PDE8A: variants seen among roughly 807,000 people sequenced by gnomAD.
PDE8A encodes the protein phosphodiesterase 8A.
A neutral mutation model predicts 105.0 loss-of-function variants in PDE8A; 59 were observed. That is an observed-to-expected ratio of 0.56 (90% CI 0.46 to 0.70). PDE8A has a LOEUF of 0.70. PDE8A is among the 30% of genes least tolerant of loss of function. The probability of loss-of-function intolerance (pLI) is 0.00; values close to 1 mark genes in which losing one functional copy is unlikely to be tolerated. For missense variants in PDE8A, 1,014 were observed against 1,045.9 expected (o/e 0.97, Z 0.42); for synonymous variants, 355 against 371.9 (o/e 0.95, Z 0.52).
upstream of PDE8A, among the ~76,000 whole-genome samples, chr15:84,981,192 G>A (rs1046923832): frequency 3.9e-5 from 6 of 152,314 alleles, no homozygotes; most frequent in South Asian, 2.1e-4. Flanking sequence ...TGTGTCCCTG[G>A]GCAAGTCTCT....
rs370675301 is a variant in PDE8A at position 85,104,678 on chromosome 15, G to A, written c.1037-4375G>A. Among the ~76,000 whole-genome samples the A allele has an allele frequency of 4.6e-5, 7 of 152,124 alleles. No homozygotes were observed. The East Asian group carries it at 9.7e-4, about 21-fold the overall frequency. Reference sequence around the variant, plus strand: ...TGGATAACATTAGTTAAAATAACAAGTGCAAATAAGATCGTAAGAAAGAGC... The same window carrying A: ...TGGATAACATTAGTTAAAATAACAAATGCAAATAAGATCGTAAGAAAGAGC... On this transcript the variant is annotated intron_variant, in intron 11 of 21. Coordinates refer to ENST00000394553, the MANE Select transcript of PDE8A (RefSeq NM_002605.3).
At chr15:84,984,061 A>T (rs1268535884) in intron 1 of PDE8A, among the ~76,000 whole-genome samples, 3 of 152,278 alleles carry the variant, frequency 2.0e-5, no homozygotes, top group Non-Finnish European at 4.4e-5. Context: ...TAGGTACTAA[A>T]TAAATGTTTA....
intron 21 of PDE8A, 125 bp downstream of exon 21, chr15:85,136,788 G>C: frequency 1.1e-6 from 1 of 951,208 alleles, no homozygotes; most frequent in Non-Finnish European, 1.5e-6. Context: ...CAAGAGCGAA[G>C]TGAACCATCA....
At chr15:85,108,415 G>T (rs1186799439) in intron 11 of PDE8A, among the ~76,000 whole-genome samples, 1 of 152,172 alleles carries the variant, frequency 6.6e-6, no homozygotes, top group Non-Finnish European at 1.5e-5. Flanking sequence ...TACCCAGCAG[G>T]TGCACAGAGA....
intron 8 of PDE8A, among the ~76,000 whole-genome samples, chr15:85,096,804 C>T (rs1400141567): frequency 2.0e-5 from 3 of 152,116 alleles, no homozygotes; most frequent in African/African-American, 4.8e-5. Context: ...TGATATAGCC[C>T]TTTTTTGGTG....
chr15:85,031,876 T>C (rs939403991), intron 1 of PDE8A, among the ~76,000 whole-genome samples: 10 of 152,178 alleles, frequency 6.6e-5, no homozygotes, highest in Non-Finnish European at 1.2e-4. Context: ...GAATCCAGGG[T>C]TGCCCAGTTT....
intron 3 of PDE8A, among the ~76,000 whole-genome samples, chr15:85,067,658 A>G (rs2081250457): frequency 2.0e-5 from 3 of 152,198 alleles, no homozygotes; most frequent in South Asian, 4.1e-4. Flanking sequence ...AAAGAAAGTT[A>G]TTTGTTGCTG....
At position 85,089,382 on chromosome 15, in the gene PDE8A, C is replaced by T. The variant is rs1266215939; in HGVS notation, c.680C>T (p.Ala227Val). ...ACTGCATTAGAAAACAGTGAAGATG[C>T]AATTGAAATTACAAGCGAAGACCGT... ...VFTALENSED[A>V]IEITSEDRFI... Residue 227 changes from alanine (A) to valine (V), a missense_variant, in exon 7 of 22, where the codon GCA (alanine) becomes GTA (valine). Transcript: ENST00000394553. 3 of 1,594,536 alleles carry T rather than the reference C, an allele frequency of 1.9e-6. No individual in the cohort carries two copies. The highest frequency in any genetic ancestry group is 2.6e-6 in the Non-Finnish European group (3 of 1,164,744).
chr15:85,076,962 C>G (rs1172528948), intron 5 of PDE8A, among the ~76,000 whole-genome samples, 175 bp downstream of exon 5: 1 of 152,036 alleles, frequency 6.6e-6, no homozygotes, highest in East Asian at 1.9e-4. Context: ...AGGAGGACCC[C>G]TTGGGCCCAG....
intron 1 of PDE8A, among the ~76,000 whole-genome samples, chr15:85,038,194 G>A (rs2080739384): frequency 6.6e-6 from 1 of 150,680 alleles, no homozygotes; most frequent in Non-Finnish European, 1.5e-5. Flanking sequence ...ATCTAACTCT[G>A]CAAGGCTCTC....
chr15:85,124,830 C>T (rs953850602), intron 19 of PDE8A, among the ~76,000 whole-genome samples: 1 of 152,174 alleles, frequency 6.6e-6, no homozygotes, highest in Non-Finnish European at 1.5e-5. Flanking sequence ...AGAAGGAAAC[C>T]ATACACCCAG....
Position 85,109,100 on chromosome 15 carries a change from G to C in PDE8A, c.1084G>C (p.Val362Leu), listed in dbSNP as rs753388144. ...AGACAGGAGAAAAGGCTCACTAGACGTCAAAGCTGTTGCCTCCCGTGCAAC... is the reference window on the plus strand; with the variant it reads ...AGACAGGAGAAAAGGCTCACTAGACCTCAAAGCTGTTGCCTCCCGTGCAAC... Reference protein sequence around the residue: ...HKDRRKGSLDVKAVASRATEV... With the variant: ...HKDRRKGSLDLKAVASRATEV... The change falls in exon 12 of 22, where the codon GTC (valine) becomes CTC (leucine). Residue 362 changes from valine to leucine, a missense_variant. Transcript: ENST00000394553. 2 of 1,611,744 alleles carry C rather than the reference G, an allele frequency of 1.2e-6. No homozygotes were observed. The highest frequency in any genetic ancestry group is 3.3e-5 in the Admixed American group (2 of 59,960).
intron 1 of PDE8A, among the ~76,000 whole-genome samples, chr15:85,013,733 C>T (rs1033428268): frequency 6.6e-6 from 1 of 152,174 alleles, no homozygotes; most frequent in African/African-American, 2.4e-5. Context: ...AGAAGCGGGG[C>T]TCAATAGTTC....
intron 5 of PDE8A, among the ~76,000 whole-genome samples, chr15:85,079,469 G>A (rs2081431061): frequency 6.6e-6 from 1 of 152,178 alleles, no homozygotes; most frequent in Admixed American, 6.5e-5. Flanking sequence ...ATGAAAAGGA[G>A]GGTAACCGCT....
rs773169947 is a variant in PDE8A at position 85,117,715 on chromosome 15, C to T, written c.1610C>T (p.Thr537Met). The change falls in exon 17 of 22, where the codon ACG becomes ATG. Residue 537 changes from threonine to methionine, a missense_variant. Thr to Met is a moderately conservative substitution (Grantham distance 81). Coordinates refer to ENST00000394553, the MANE Select transcript of PDE8A (RefSeq NM_002605.3). ...ICEFLHCSES[T>M]LRSWLQIIEA... is the part of the protein sequence containing the mutation. ...GAATTCTTACACTGCTCCGAGTCAA[C>T]GCTAAGATCATGGTTACAAATTATC... 2.8e-5 allele frequency: 45 copies of T among 1,613,722 alleles called. No homozygotes were observed. Among genetic ancestry groups the T allele is most frequent in the Middle Eastern group, 3.3e-4 (2 of 6,084 alleles).
intron 5 of PDE8A, among the ~76,000 whole-genome samples, chr15:85,078,548 C>CAAAAAAAAAAAAA (rs72174562): frequency 4.9e-4 from 46 of 94,298 alleles, no homozygotes; most frequent in East Asian, 1.5e-3. Context: ...TACTCCATCT[C>CAAAAAAAAAAAAA]AAAAAAAAAA....
chr15:85,128,125 A>G (rs1264786632), intron 20 of PDE8A, among the ~76,000 whole-genome samples: 1 of 152,020 alleles, frequency 6.6e-6, no homozygotes, highest in Non-Finnish European at 1.5e-5. Flanking sequence ...CCTACATACA[A>G]CAGCTAAAAC....
intron 1 of PDE8A, among the ~76,000 whole-genome samples, chr15:84,986,112 A>C (rs1394862080): frequency 6.6e-6 from 1 of 152,200 alleles, no homozygotes; most frequent in East Asian, 1.9e-4. Flanking sequence ...CTTTAGTCCC[A>C]GATACTTGGG....
At chr15:85,117,220 T>C (rs930606235) in intron 16 of PDE8A, among the ~76,000 whole-genome samples, 1 of 152,206 alleles carries the variant, frequency 6.6e-6, no homozygotes. Flanking sequence ...TGTTTTCTTA[T>C]AGGCAGGATG....
Sources: gnomAD v4.1 joint callset for allele counts (sites outside exome capture counted in the v4.1 genomes callset) on GRCh38, gnomAD v4.1.1 for gene constraint, MANE v1.5 for transcripts, NCBI Gene and HGNC (gene_info 2026-07-23, HGNC 2026-07-21) for gene names.